Variants in COL23A1 observed in about 807,000 individuals in gnomAD.
COL23A1 encodes the protein collagen alpha-1(XXIII) chain.
Under a neutral mutation model 99.3 loss-of-function variants are expected in COL23A1, and 97 were observed. That is an observed-to-expected ratio of 0.98 (90% CI 0.83 to 1.16). The LOEUF is 1.16. COL23A1 is among the 50% of genes most tolerant of loss of function. The pLI is 0.00. For missense variants in COL23A1, 762 were observed against 757.4 expected (o/e 1.01, Z -0.07); for synonymous variants, 320 against 308.2 (o/e 1.04, Z -0.40).
chr5:178,382,413 G>A (rs1763431544), intron 2 of COL23A1, among the ~76,000 whole-genome samples: 2 of 150,220 alleles, frequency 1.3e-5, no homozygotes, highest in Admixed American at 6.7e-5. Context: ...TGTTGGAAAC[G>A]CCCCTTCGCC....
At chr5:178,433,468 A>G (rs1408933960) in intron 2 of COL23A1, among the ~76,000 whole-genome samples, 1 of 152,092 alleles carries the variant, frequency 6.6e-6, no homozygotes. Context: ...CTCGTTGCTG[A>G]GGGTTTTTAT....
intron 1 of COL23A1, among the ~76,000 whole-genome samples, chr5:178,564,208 A>C (rs1317535714): frequency 2.6e-5 from 4 of 152,154 alleles, no homozygotes; most frequent in Non-Finnish European, 5.9e-5. Flanking sequence ...ATCACAGGTT[A>C]CTGGGATTGT....
intron 2 of COL23A1, among the ~76,000 whole-genome samples, chr5:178,373,717 T>G (rs1354530122): frequency 6.6e-5 from 10 of 152,220 alleles, no homozygotes. Context: ...TCCTTGGCCC[T>G]GCCGTGCACT....
intron 2 of COL23A1, among the ~76,000 whole-genome samples, chr5:178,311,800 G>A (rs1241842713): frequency 6.9e-6 from 1 of 145,604 alleles, no homozygotes; most frequent in Non-Finnish European, 1.5e-5. Context: ...GCGTGATCTC[G>A]GCTCACCGCA....
chr5:178,317,322 C>T (rs1479257181), intron 2 of COL23A1, among the ~76,000 whole-genome samples: 1 of 152,196 alleles, frequency 6.6e-6, no homozygotes, highest in East Asian at 1.9e-4. Flanking sequence ...GCACAAATAT[C>T]CTGTTTGCTT....
In COL23A1 at chr5:178,399,774, C is replaced by T. The variant is rs184835225; in HGVS notation, c.362-92855G>A. On this transcript the variant is annotated intron_variant, in intron 2 of 28. Transcript: ENST00000390654. Reference sequence around the variant, plus strand: ...AAACATCTCTAACTAAAACCTCACTCGAGGAGATACTGAAGTATCCAGAGC... The same window carrying T: ...AAACATCTCTAACTAAAACCTCACTTGAGGAGATACTGAAGTATCCAGAGC... Among the ~76,000 whole-genome samples, 41 of 152,332 alleles carry T rather than the reference C, an allele frequency of 2.7e-4. No individual in the cohort carries two copies. In the East Asian group the frequency reaches 7.7e-3, roughly 29 times the overall value.
Position 178,425,023 on chromosome 5 carries a change from A to G in COL23A1, c.362-118104T>C, listed in dbSNP as rs188657923. 9.8e-5 allele frequency among the ~76,000 whole-genome samples: 15 copies of G among 152,346 alleles called. No homozygotes were observed. The South Asian group carries it at 2.1e-3, about 21-fold the overall frequency. ...AGGCTTCAGCCTCTCTCCACCGACC[A>G]CTGACATGCCTTGGGGCATAGAATT... On this transcript the variant is annotated intron_variant, in intron 2 of 28. Transcript: ENST00000390654.
At chr5:178,275,104 C>T (rs1241359429) in intron 5 of COL23A1, among the ~76,000 whole-genome samples, 1 of 152,258 alleles carries the variant, frequency 6.6e-6, no homozygotes, top group Non-Finnish European at 1.5e-5. Flanking sequence ...CTGCCTCAGT[C>T]CCTTGCTTTG....
chr5:178,455,252 GTCACGCACGGGCC>G (rs1157516192), intron 2 of COL23A1, among the ~76,000 whole-genome samples: 2 of 152,236 alleles, frequency 1.3e-5, no homozygotes, highest in Non-Finnish European at 2.9e-5. Context: ...GGCGTGAAAA[GTCACGCACGGGCC>G]TGCCCGTGGG....
intron 2 of COL23A1, among the ~76,000 whole-genome samples, chr5:178,524,200 G>T (rs1760179996): frequency 6.6e-6 from 1 of 152,118 alleles, no homozygotes; most frequent in Admixed American, 6.5e-5. Flanking sequence ...AACATCACCA[G>T]GGCTCTCTCC....
At chr5:178,534,761 A>G (rs1357428874) in intron 2 of COL23A1, among the ~76,000 whole-genome samples, 1 of 152,002 alleles carries the variant, frequency 6.6e-6, no homozygotes, top group African/African-American at 2.4e-5. Context: ...CCTGGGCGAC[A>G]GAGCAAGACT....
At chr5:178,272,988 G>A (rs1756378788) in intron 5 of COL23A1, among the ~76,000 whole-genome samples, 1 of 152,208 alleles carries the variant, frequency 6.6e-6, no homozygotes, top group Non-Finnish European at 1.5e-5. Context: ...GGAAGACCTT[G>A]CCTAGGGCCA....
At chr5:178,537,100 C>G (rs2113281863) in intron 2 of COL23A1, among the ~76,000 whole-genome samples, 1 of 152,360 alleles carries the variant, frequency 6.6e-6, no homozygotes, top group Non-Finnish European at 1.5e-5. Flanking sequence ...CTGTGGAACA[C>G]AGCGGGTGAC....
chr5:178,341,218 G>A (rs752463729), intron 2 of COL23A1, among the ~76,000 whole-genome samples: 8 of 152,200 alleles, frequency 5.3e-5, no homozygotes, highest in South Asian at 2.1e-4. Context: ...TTGAACTTCC[G>A]GGCTCAAGCA....
At chr5:178,341,841 G>A (rs990902774) in intron 2 of COL23A1, among the ~76,000 whole-genome samples, 3 of 152,090 alleles carry the variant, frequency 2.0e-5, no homozygotes, top group Non-Finnish European at 2.9e-5. Context: ...TGTTTCTGGG[G>A]CCTGTCTTCC....
chr5:178,449,397 A>C (rs1767356825), intron 2 of COL23A1, among the ~76,000 whole-genome samples: 1 of 151,942 alleles, frequency 6.6e-6, no homozygotes, highest in Non-Finnish European at 1.5e-5. Context: ...TCTGGTCATG[A>C]CTCTGATAAG....
chr5:178,490,371 A>G (rs1757862860), intron 2 of COL23A1, among the ~76,000 whole-genome samples: 1 of 152,236 alleles, frequency 6.6e-6, no homozygotes, highest in African/African-American at 2.4e-5. Context: ...GTAGAATTCC[A>G]CTGAGAAGAG....
chr5:178,346,260 G>A (rs192034159), intron 2 of COL23A1, among the ~76,000 whole-genome samples: 16 of 152,172 alleles, frequency 1.1e-4, no homozygotes, highest in Non-Finnish European at 2.4e-4. Context: ...TTAAGATGGA[G>A]TTTCGTTCTG....
At chr5:178,311,503 TGTGCGC>T (rs1758671113) in intron 2 of COL23A1, among the ~76,000 whole-genome samples, 1 of 9,314 alleles carries the variant, frequency 1.1e-4, no homozygotes, top group African/African-American at 6.6e-4. Flanking sequence ...TGTGTGTGTG[TGTGCGC>T]GTGTGTGTGT....
Sources: gnomAD v4.1 joint callset for allele counts (sites outside exome capture counted in the v4.1 genomes callset) on GRCh38, gnomAD v4.1.1 for gene constraint, MANE v1.5 for transcripts, NCBI Gene and HGNC (gene_info 2026-07-23, HGNC 2026-07-21) for gene names.